Variants in CMYA5 observed in about 807,000 individuals in gnomAD.
CMYA5 encodes cardiomyopathy associated 5, also known as cardiomyopathy-associated protein 5.
In CMYA5, 246 loss-of-function variants were observed where a neutral mutation model predicts 318.9. The observed-to-expected ratio is 0.77, with a 90% confidence interval of 0.70 to 0.86. The LOEUF (loss-of-function observed/expected upper bound fraction) is 0.86. Ranked by LOEUF, CMYA5 falls within the 40% of genes least tolerant of loss-of-function variation. CMYA5 has a pLI of 0.00. For synonymous variants in CMYA5, 1,641 were observed against 1,729.5 expected (o/e 0.95, Z 1.27); for missense variants, 4,589 against 4,678.2 (o/e 0.98, Z 0.56).
At position 79,736,222 on chromosome 5, in the gene CMYA5, G is replaced by C. The variant is rs1437252261; in HGVS notation, c.7457G>C (p.Arg2486Thr). 6.2e-7 allele frequency: 1 copy of C among 1,613,528 alleles called. No homozygotes were observed. The highest frequency in any genetic ancestry group is 2.2e-5 in the East Asian group (1 of 44,866). Residue 2486 changes from arginine to threonine, a missense_variant, in exon 2 of 13, where the codon AGA becomes ACA. Arg to Thr is a moderately conservative substitution (Grantham distance 71). This residue lies in a region of CMYA5 where 2,431 missense variants were observed against 2,495.1 expected (regional missense o/e 0.97). Transcript: ENST00000446378. ...AACTCTGTGGCCCCATTAGAGCTTA[G>C]AGATAGTAATGAAATAGGGAAGACA... ...KQNSVAPLEL[R>T]DSNEIGKTQI...
chr5:79,705,986 A>G (rs183170924), intron 1 of CMYA5, among the ~76,000 whole-genome samples: 20 of 152,240 alleles, frequency 1.3e-4, no homozygotes, highest in Middle Eastern at 6.8e-3. Flanking sequence ...CCCATCATCT[A>G]CTAGTACCCT....
At position 79,738,391 on chromosome 5, in the gene CMYA5, A is replaced by G; in HGVS notation, c.9626A>G (p.Glu3209Gly). ...GTTGGAGAGAAAAAGAAGGAAGAGGAGACAGCTTCTGAAGGTGACAGTGTG... is the reference window on the plus strand; with the variant it reads ...GTTGGAGAGAAAAAGAAGGAAGAGGGGACAGCTTCTGAAGGTGACAGTGTG... ...EAVGEKKKEE[E>G]TASEGDSVNS... Residue 3209 changes from glutamate to glycine, a missense_variant, in exon 2 of 13, where the codon GAG becomes GGG. Glu to Gly is a moderately conservative substitution (Grantham distance 98). Around this residue, in one of 3 missense-constraint regions of CMYA5, gnomAD observed 2,431 missense variants for 2,495.1 expected, o/e 0.97. Transcript: ENST00000446378. 1 of 1,613,772 alleles carries G rather than the reference A, an allele frequency of 6.2e-7. No individual in the cohort carries two copies. Among genetic ancestry groups the G allele is most frequent in the Non-Finnish European group, 8.5e-7 (1 of 1,179,840 alleles).
chr5:79,729,018 T>A lies in CMYA5; in HGVS notation c.253T>A (p.Trp85Arg). 1 of 1,613,990 alleles carries A rather than the reference T, an allele frequency of 6.2e-7. No individual in the cohort carries two copies. The highest frequency in any genetic ancestry group is 8.5e-7 in the Non-Finnish European group (1 of 1,179,882). ...CCAAAGGGAAGATAGTGGGATAACC[T>A]GGGAAACCAATTCAAGTAGATCTTC... ...TVQREDSGITWETNSSRSSTP... is the reference protein window; with the variant it reads ...TVQREDSGITRETNSSRSSTP... The change falls in exon 2 of 13, where the codon TGG becomes AGG. Residue 85 changes from tryptophan (W) to arginine (R), a missense_variant. Physicochemically the swap from Trp to Arg is moderately radical, Grantham distance 101. Coordinates refer to ENST00000446378, the MANE Select transcript of CMYA5 (RefSeq NM_153610.5).
chr5:79,747,164 G>A, intron 5 of CMYA5, 51 bp downstream of exon 5: 3 of 1,497,080 alleles, frequency 2.0e-6, no homozygotes, highest in East Asian at 5.2e-5. Context: ...CTGGATGCTT[G>A]CTTTTTAATA....
rs1258083486 is a variant in CMYA5, at chr5:79,774,705, G to A, written c.11555+11496G>A. Among the ~76,000 whole-genome samples the A allele has an allele frequency of 2.0e-5, 3 of 152,122 alleles. No homozygotes were observed. In the East Asian group the frequency reaches 5.8e-4, roughly 29 times the overall value. ...CCAGGGAGTTGGGCTCAGGGTGCTG[G>A]GCCTGTGAGCTCATATTCCTCCTTC... On this transcript the variant is annotated intron_variant, in intron 9 of 12. Transcript: ENST00000446378.
At chr5:79,760,464 C>T (rs560986034) in intron 7 of CMYA5, among the ~76,000 whole-genome samples, 1 of 152,260 alleles carries the variant, frequency 6.6e-6, no homozygotes, top group Admixed American at 6.5e-5. Flanking sequence ...TTAACTGGCT[C>T]ACAGTTCCAC....
At position 79,735,095 on chromosome 5, in the gene CMYA5, A is replaced by C. The variant is rs372011925; in HGVS notation, c.6330A>C (p.Ser2110=). The stretch of plus-strand genomic sequence containing the variant: ...TGGAAGAATCAAAAATGGTTCAGTC[A>C]AAGGTTATTGATGATGCTGATGAGG... The part of the protein sequence containing the change: ...KPLEESKMVQ[S]KVIDDADEGK... Residue 2110 remains serine, a synonymous_variant, in exon 2 of 13, where the codon TCA becomes TCC. Transcript: ENST00000446378. 5.0e-6 allele frequency: 8 copies of C among 1,613,732 alleles called. 1 individual carries two copies. In the African/African-American group the frequency reaches 9.3e-5, roughly 19 times the overall value.
At chr5:79,747,464 A>G (rs1828350500) in intron 5 of CMYA5, among the ~76,000 whole-genome samples, 1 of 152,228 alleles carries the variant, frequency 6.6e-6, no homozygotes, top group African/African-American at 2.4e-5. Context: ...AGAATCATTC[A>G]TATCTGCCTT....
At position 79,733,654 on chromosome 5, in the gene CMYA5, A is replaced by G. The variant is rs1827976017; in HGVS notation, c.4889A>G (p.Gln1630Arg). ...CCTGAGAAGAAAGACAAGCCACACCAACCGTTGGAATTACCAAATGCTGGG... is the reference window on the plus strand; with the variant it reads ...CCTGAGAAGAAAGACAAGCCACACCGACCGTTGGAATTACCAAATGCTGGG... ...LEPEKKDKPH[Q>R]PLELPNAGSE... The change falls in exon 2 of 13, where the codon CAA (glutamine) becomes CGA (arginine). Residue 1630 changes from glutamine (Q) to arginine (R), a missense_variant. Physicochemically the swap from Gln to Arg is conservative, Grantham distance 43. Coordinates refer to ENST00000446378, the MANE Select transcript of CMYA5 (RefSeq NM_153610.5). The G allele has an allele frequency of 1.9e-6, 3 of 1,613,800 alleles. No individual in the cohort carries two copies. The South Asian group carries it at 3.3e-5, about 18-fold the overall frequency.
At chr5:79,778,805 CTCTT>C (rs1167525513) in intron 9 of CMYA5, among the ~76,000 whole-genome samples, 1 of 86,058 alleles carries the variant, frequency 1.2e-5, no homozygotes, top group African/African-American at 6.6e-5. Context: ...GCCCCCCTCT[CTCTT>C]TCTGTGTGTG....
intron 10 of CMYA5, 46 bp from the exon 11 acceptor site, chr5:79,790,924 T>G: frequency 7.6e-7 from 1 of 1,320,800 alleles, no homozygotes; most frequent in Non-Finnish European, 1.1e-6. Flanking sequence ...GGGACAGCAC[T>G]GGTCCTTGTG....
At chr5:79,790,711 G>A (rs969810782) in intron 10 of CMYA5, among the ~76,000 whole-genome samples, 13 of 152,242 alleles carry the variant, frequency 8.5e-5, no homozygotes, top group African/African-American at 3.1e-4. Context: ...CTGGTGCAAG[G>A]AGCACACTGC....
chr5:79,789,182 G>A, intron 10 of CMYA5, 78 bp downstream of exon 10: 1 of 1,525,338 alleles, frequency 6.6e-7, no homozygotes, highest in Non-Finnish European at 8.9e-7. Context: ...ATGTCCTAGA[G>A]GGCAACTTTA....
intron 6 of CMYA5, among the ~76,000 whole-genome samples, chr5:79,756,673 G>A (rs191889974): frequency 3.7e-4 from 56 of 152,170 alleles, no homozygotes; most frequent in African/African-American, 1.3e-3. Flanking sequence ...CTTTATCGCT[G>A]TTGCATCTTC....
intron 1 of CMYA5, among the ~76,000 whole-genome samples, chr5:79,692,794 A>G (rs538285573): frequency 2.0e-4 from 31 of 152,326 alleles, no homozygotes; most frequent in African/African-American, 6.7e-4. Context: ...CCTTCTGCCC[A>G]CCATTCATCC....
chr5:79,798,791 C>A (rs552640536), intron 12 of CMYA5, among the ~76,000 whole-genome samples: 1 of 152,244 alleles, frequency 6.6e-6, no homozygotes, highest in African/African-American at 2.4e-5. Flanking sequence ...TCAAAGGCAA[C>A]CCCGCTGGTG....
intron 1 of CMYA5, among the ~76,000 whole-genome samples, chr5:79,700,433 G>A (rs988345505): frequency 6.6e-6 from 1 of 152,176 alleles, no homozygotes; most frequent in Admixed American, 6.5e-5. Context: ...GGGAAGGTTG[G>A]AGAACTAGTC....
At chr5:79,786,393 T>G (rs1168786113) in intron 9 of CMYA5, among the ~76,000 whole-genome samples, 2 of 152,224 alleles carry the variant, frequency 1.3e-5, no homozygotes, top group Non-Finnish European at 2.9e-5. Flanking sequence ...TCTTTCAAAT[T>G]TTATTATTGG....
intron 1 of CMYA5, among the ~76,000 whole-genome samples, chr5:79,728,621 A>G (rs60352364): frequency 0.22 from 33,407 of 151,948 alleles, 6,585 homozygotes; most frequent in African/African-American, 0.52. Flanking sequence ...GAGTCCCGAC[A>G]AGATCAGGAA....
Sources: gnomAD v4.1 joint callset for allele counts (sites outside exome capture counted in the v4.1 genomes callset) on GRCh38, gnomAD v4.1.1 for gene constraint, gnomAD v4.1.1 regional missense constraint, MANE v1.5 for transcripts, NCBI Gene and HGNC (gene_info 2026-07-23, HGNC 2026-07-21) for gene names.